The following PAM variants were observed in gnomAD, a reference collection of about 807,000 sequenced individuals.
PAM encodes the protein peptidylglycine alpha-amidating monooxygenase, also known as peptidyl-glycine alpha-amidating monooxygenase.
PAM carries 72 observed loss-of-function variants against 122.1 expected under a neutral mutation model. The ratio of observed to expected loss-of-function variants is 0.59; its 90% CI spans 0.49 to 0.72. The LOEUF (loss-of-function observed/expected upper bound fraction) is 0.72. Among genes scored for constraint, PAM ranks in the 30% least tolerant of loss-of-function variants. PAM has a pLI of 0.00. For synonymous variants in PAM, 389 were observed against 404.4 expected (o/e 0.96, Z 0.46); for missense variants, 1,106 against 1,183.7 (o/e 0.93, Z 0.96).
chr5:102,818,024 CA>C (rs753744226), intron 1 of PAM, among the ~76,000 whole-genome samples: 2,311 of 55,488 alleles, frequency 0.042, 25 homozygotes, highest in African/African-American at 0.11. Context: ...TTTTTTTTCT[CA>C]AAAAAAAAAA....
intron 1 of PAM, among the ~76,000 whole-genome samples, chr5:102,858,892 G>A (rs1475680874): frequency 6.6e-6 from 1 of 152,094 alleles, no homozygotes; most frequent in East Asian, 1.9e-4. Context: ...ATATGTGATG[G>A]TGGTCCCATA....
At chr5:102,761,376 A>G (rs532811360) in intron 1 of PAM, among the ~76,000 whole-genome samples, 6 of 152,374 alleles carry the variant, frequency 3.9e-5, no homozygotes, top group African/African-American at 1.4e-4. Context: ...GCAAATGCAC[A>G]AAGAATAATA....
chr5:102,975,486 A>G (rs1418468506), intron 15 of PAM, among the ~76,000 whole-genome samples: 1 of 152,212 alleles, frequency 6.6e-6, no homozygotes. Flanking sequence ...ATGTTTAAAC[A>G]GGATCAGCCC....
At position 102,952,665 on chromosome 5, in the gene PAM, A is replaced by C. The variant is rs548696262; in HGVS notation, c.905+1845A>C. 4.6e-5 allele frequency among the ~76,000 whole-genome samples: 7 copies of C among 152,310 alleles called. No homozygotes were observed. The East Asian group carries it at 1.2e-3, about 25-fold the overall frequency. On this transcript the variant is annotated intron_variant, in intron 12 of 25. Coordinates refer to ENST00000438793, the MANE Select transcript of PAM (RefSeq NM_001177306.2). ...TAATAATGGATAATGTTCTCATAGC[A>C]GTTAATATGCTTTTTATTTTTAGAC...
At chr5:102,927,554 T>C (rs1750018622) in intron 7 of PAM, among the ~76,000 whole-genome samples, 1 of 152,124 alleles carries the variant, frequency 6.6e-6, no homozygotes, top group Admixed American at 6.5e-5. Context: ...AGTTTGGAAG[T>C]AGATGTCCAT....
At chr5:102,968,092 C>A (rs970924192) in intron 14 of PAM, among the ~76,000 whole-genome samples, 1 of 152,052 alleles carries the variant, frequency 6.6e-6, no homozygotes, top group Non-Finnish European at 1.5e-5. Flanking sequence ...CCAGTTTGCA[C>A]GTTTCTTGTG....
chr5:102,947,669 TG>T (rs928919390), intron 8 of PAM, among the ~76,000 whole-genome samples: 11 of 151,920 alleles, frequency 7.2e-5, no homozygotes, highest in Non-Finnish European at 1.3e-4. Flanking sequence ...CAAAAATCTA[TG>T]GAAATAAAAA....
chr5:102,846,319 G>A (rs924615706), intron 1 of PAM, among the ~76,000 whole-genome samples: 2 of 152,144 alleles, frequency 1.3e-5, no homozygotes, highest in African/African-American at 2.4e-5. Context: ...CATGGATCAC[G>A]AGGTCCTTTG....
At chr5:102,817,623 C>T (rs913910980) in intron 1 of PAM, among the ~76,000 whole-genome samples, 1 of 151,944 alleles carries the variant, frequency 6.6e-6, no homozygotes, top group Non-Finnish European at 1.5e-5. Flanking sequence ...TATTGGATGG[C>T]ACTATCATTA....
rs1023910255 is a variant in PAM at position 102,959,943 on chromosome 5, C to A, written c.974C>A (p.Ser325Tyr). 6.2e-7 allele frequency: 1 copy of A among 1,612,056 alleles called. No homozygotes were observed. Among genetic ancestry groups the A allele is most frequent in the Non-Finnish European group, 8.5e-7 (1 of 1,178,380 alleles). The change falls in exon 13 of 26, where the codon TCT becomes TAT. Residue 325 changes from serine (S) to tyrosine (Y), a missense_variant. Ser to Tyr is a moderately radical substitution (Grantham distance 144). This residue lies in a region of PAM where 670 missense variants were observed against 690.3 expected (regional missense o/e 0.97). Transcript: ENST00000438793. ...MYYMEAKHAV[S>Y]FMTCTQNVAP... ...TACATGGAAGCCAAGCATGCAGTTT[C>A]TTTCATGACCTGTACCCAGAATGTA...
intron 5 of PAM, among the ~76,000 whole-genome samples, chr5:102,921,168 T>G (rs1481532106): frequency 2.0e-5 from 3 of 152,102 alleles, no homozygotes; most frequent in Non-Finnish European, 4.4e-5. Context: ...TGGAGGAGCC[T>G]TATAGGAGAA....
At chr5:102,771,044 A>C (rs1380309652) in intron 1 of PAM, among the ~76,000 whole-genome samples, 1 of 152,138 alleles carries the variant, frequency 6.6e-6, no homozygotes, top group Non-Finnish European at 1.5e-5. Context: ...ACAGCATGTT[A>C]TATAATATTT....
Position 102,803,496 on chromosome 5 carries a change from A to T in PAM, c.-374+48148A>T, listed in dbSNP as rs138370504. Among the ~76,000 whole-genome samples the T allele has an allele frequency of 6.4e-4, 98 of 152,202 alleles. 1 individual carries two copies. Among genetic ancestry groups the T allele is most frequent in the African/African-American group, 2.3e-3 (94 of 41,522 alleles). On this transcript the variant is annotated intron_variant, in intron 1 of 25. Coordinates refer to ENST00000438793, the MANE Select transcript of PAM (RefSeq NM_001177306.2). The stretch of plus-strand genomic sequence containing the variant: ...GGATTCACTGTGAGGGAATGGGAGC[A>T]CACCTGCTCTCTGGCTGTGATGAGA...
At chr5:102,988,629 G>GA (rs1234154313) in intron 15 of PAM, among the ~76,000 whole-genome samples, 3 of 139,836 alleles carry the variant, frequency 2.1e-5, no homozygotes, top group East Asian at 2.0e-4. Context: ...AAAGGAAAGG[G>GA]AAAAAAAAGA....
intron 14 of PAM, among the ~76,000 whole-genome samples, chr5:102,966,078 C>T (rs1438762954): frequency 1.3e-5 from 2 of 152,034 alleles, no homozygotes; most frequent in African/African-American, 4.8e-5. Context: ...ATCTTCTTAA[C>T]TAATTCCAAG....
chr5:102,822,339 G>A (rs1772242532), intron 1 of PAM, among the ~76,000 whole-genome samples: 1 of 152,156 alleles, frequency 6.6e-6, no homozygotes, highest in South Asian at 2.1e-4. Flanking sequence ...TGGCAGCTCA[G>A]GGTGCAAGGC....
At chr5:102,963,473 A>G (rs1000234000) in intron 14 of PAM, among the ~76,000 whole-genome samples, 1 of 152,050 alleles carries the variant, frequency 6.6e-6, no homozygotes, top group South Asian at 2.1e-4. Flanking sequence ...TAAGCCCTCA[A>G]ACTTCACTTA....
At chr5:102,824,139 C>T (rs1275338710) in intron 1 of PAM, among the ~76,000 whole-genome samples, 1 of 152,174 alleles carries the variant, frequency 6.6e-6, no homozygotes, top group African/African-American at 2.4e-5. Flanking sequence ...CAAGACCATA[C>T]TTAATGCTGC....
chr5:102,950,416 G>GGGTGGGTGTGTGTGTGTGTGTGTGT, intron 11 of PAM, among the ~76,000 whole-genome samples: 1 of 146,062 alleles, frequency 6.8e-6, no homozygotes, highest in African/African-American at 2.6e-5. Context: ...TATGTGGGTG[G>GGGTGGGTGTGTGTGTGTGTGTGTGT]GTGTGTGTGT....
Sources: allele counts gnomAD v4.1 joint callset (sites outside exome capture counted in the v4.1 genomes callset), GRCh38; gene constraint gnomAD v4.1.1; regional missense constraint gnomAD v4.1.1; transcripts MANE v1.5; gene names NCBI Gene and HGNC (gene_info 2026-07-23, HGNC 2026-07-21).